CCNY: variants seen among roughly 807,000 people sequenced by gnomAD.
The protein encoded by CCNY is cyclin Y.
CCNY carries 19 observed loss-of-function variants against 42.8 expected under a neutral mutation model. The ratio of observed to expected loss-of-function variants is 0.44; its 90% CI spans 0.31 to 0.65. The LOEUF is 0.65. Ranked by LOEUF, CCNY falls within the 30% of genes least tolerant of loss-of-function variation. CCNY has a pLI of 0.07. For missense variants in CCNY, 370 were observed against 437.3 expected (o/e 0.85, Z 1.37); for synonymous variants, 165 against 162.7 (o/e 1.01, Z -0.11).
chr10:35,511,212 G>T (rs569980884), intron 3 of CCNY, among the ~76,000 whole-genome samples: 1 of 152,346 alleles, frequency 6.6e-6, no homozygotes, highest in East Asian at 1.9e-4. Flanking sequence ...TGGGGGCAGT[G>T]AGCACTCTAG....
rs76487917 is a variant in CCNY, at chr10:35,513,337, G to A, written c.265-3186G>A. 5.3e-5 allele frequency among the ~76,000 whole-genome samples: 8 copies of A among 152,070 alleles called. No homozygotes were observed. The East Asian group carries it at 9.6e-4, about 18-fold the overall frequency. ...TCGTGGTTAACTCTGTAGTATCTGCGCTCTCACCAAGACACTTACTGTATT... is the reference window on the plus strand; with the variant it reads ...TCGTGGTTAACTCTGTAGTATCTGCACTCTCACCAAGACACTTACTGTATT... On this transcript the variant is annotated intron_variant, in intron 3 of 9. Transcript: ENST00000374704.
chr10:35,273,721 T>G (rs1254511666), intron 3 of CCNY, among the ~76,000 whole-genome samples: 2 of 152,276 alleles, frequency 1.3e-5, no homozygotes, highest in Admixed American at 1.3e-4. Flanking sequence ...GCGAACCACT[T>G]GTGCGATGGA....
chr10:35,294,522 GT>G (rs1008648374), intron 3 of CCNY, among the ~76,000 whole-genome samples: 6 of 152,038 alleles, frequency 3.9e-5, no homozygotes, highest in Non-Finnish European at 7.4e-5. Context: ...ATAATCTTGT[GT>G]TTTTTTGTCC....
At chr10:35,331,884 T>C (rs1835948380), upstream of CCNY, among the ~76,000 whole-genome samples, 1 of 152,236 alleles carries the variant, frequency 6.6e-6, no homozygotes, top group Non-Finnish European at 1.5e-5. Context: ...ATCACTCTCA[T>C]TGCTGGAAAC....
chr10:35,516,452 G>C (rs530201051), intron 3 of CCNY, 71 bp from the exon 4 acceptor site: 1 of 986,382 alleles, frequency 1.0e-6, no homozygotes. Flanking sequence ...CAAGTTAAGC[G>C]GGGGTGATGT....
chr10:35,249,997 T>A (rs12098264), intron 2 of CCNY, among the ~76,000 whole-genome samples: 54,703 of 151,642 alleles, frequency 0.36, 10,234 homozygotes, highest in African/African-American at 0.46. Context: ...GATCGAGACC[T>A]TCCTGGCTAA....
At chr10:35,484,111 A>G (rs887353352) in intron 2 of CCNY, among the ~76,000 whole-genome samples, 7 of 152,208 alleles carry the variant, frequency 4.6e-5, no homozygotes, top group Non-Finnish European at 8.8e-5. Context: ...AACTTATACA[A>G]TGTGGCAAAC....
At chr10:35,338,036 C>T (rs940528732) in intron 1 of CCNY, among the ~76,000 whole-genome samples, 4 of 152,192 alleles carry the variant, frequency 2.6e-5, no homozygotes, top group Non-Finnish European at 5.9e-5. Context: ...GATATTTATG[C>T]ATCATGCTTA....
chr10:35,416,189 G>T (rs900573051), intron 1 of CCNY, among the ~76,000 whole-genome samples: 2 of 151,890 alleles, frequency 1.3e-5, no homozygotes, highest in Non-Finnish European at 2.9e-5. Context: ...GTGTGTGTGT[G>T]TGTGTCCTTG....
At chr10:35,312,544 A>C (rs1018460010) in intron 3 of CCNY, among the ~76,000 whole-genome samples, 3 of 151,994 alleles carry the variant, frequency 2.0e-5, no homozygotes, top group Non-Finnish European at 4.4e-5. Context: ...TGTCTAATGT[A>C]GTACGATGTG....
intron 4 of CCNY, among the ~76,000 whole-genome samples, chr10:35,521,909 G>A (rs1240119638): frequency 6.6e-6 from 1 of 152,070 alleles, no homozygotes; most frequent in Non-Finnish European, 1.5e-5. Context: ...GCTAAGCTGA[G>A]GAGTGCTGCA....
chr10:35,333,281 C>T (rs1004190242), upstream of CCNY, among the ~76,000 whole-genome samples: 2 of 152,168 alleles, frequency 1.3e-5, no homozygotes, highest in Non-Finnish European at 2.9e-5. Flanking sequence ...TATTTTGATT[C>T]CCGAGTGACA....
intron 1 of CCNY, among the ~76,000 whole-genome samples, chr10:35,408,486 A>G (rs1329172688): frequency 1.3e-5 from 2 of 151,028 alleles, no homozygotes; most frequent in Non-Finnish European, 2.9e-5. Flanking sequence ...CAGGGGGTGG[A>G]TCTCGCACAT....
chr10:35,502,818 C>A (rs1840137419), intron 3 of CCNY, among the ~76,000 whole-genome samples: 2 of 151,874 alleles, frequency 1.3e-5, no homozygotes, highest in African/African-American at 4.8e-5. Context: ...TTCTCTAAAT[C>A]CTTGCTTCCA....
chr10:35,345,210 A>G (rs886914552), intron 1 of CCNY, among the ~76,000 whole-genome samples: 2 of 152,128 alleles, frequency 1.3e-5, no homozygotes, highest in East Asian at 1.9e-4. Flanking sequence ...AAATGTTCCT[A>G]TTTCTCCACA....
chr10:35,520,461 T>C (rs1840525680), intron 4 of CCNY, among the ~76,000 whole-genome samples: 1 of 152,144 alleles, frequency 6.6e-6, no homozygotes, highest in Non-Finnish European at 1.5e-5. Context: ...ATCATTAATA[T>C]TGTAGTTCAG....
chr10:35,382,635 T>C (rs1837213412), intron 1 of CCNY, among the ~76,000 whole-genome samples: 1 of 152,102 alleles, frequency 6.6e-6, no homozygotes, highest in South Asian at 2.1e-4. Flanking sequence ...GGACAGCCCC[T>C]CTACCCCTCC....
At chr10:35,335,195 G>A (rs146063500), upstream of CCNY, among the ~76,000 whole-genome samples, 638 of 152,002 alleles carry the variant, frequency 4.2e-3, 2 homozygotes, top group African/African-American at 0.014. Flanking sequence ...GGCTGGCATT[G>A]TGGGCGTCGG....
At chr10:35,282,529 C>A (rs1490023849) in intron 3 of CCNY, among the ~76,000 whole-genome samples, 11 of 151,614 alleles carry the variant, frequency 7.3e-5, no homozygotes, top group Non-Finnish European at 1.6e-4. Flanking sequence ...AATTCGAGAC[C>A]AGCCTGGCCA....
Sources: gnomAD v4.1 joint callset for allele counts (sites outside exome capture counted in the v4.1 genomes callset) on GRCh38, gnomAD v4.1.1 for gene constraint, MANE v1.5 for transcripts, NCBI Gene and HGNC (gene_info 2026-07-23, HGNC 2026-07-21) for gene names.